MAP4K3: variants seen among roughly 807,000 people sequenced by gnomAD.
The protein encoded by MAP4K3 is mitogen-activated protein kinase kinase kinase kinase 3, also known as MAPK/ERK kinase kinase kinase 3.
In MAP4K3, 94 loss-of-function variants were observed where a neutral mutation model predicts 143.5. That is an observed-to-expected ratio of 0.65 (90% CI 0.55 to 0.78). The LOEUF (loss-of-function observed/expected upper bound fraction) is 0.78, where lower values mean the gene tolerates loss of function less well. Ranked by LOEUF, MAP4K3 falls within the 30% of genes least tolerant of loss-of-function variation. MAP4K3 has a pLI of 0.00. For synonymous variants in MAP4K3, 416 were observed against 347.2 expected, an observed-to-expected ratio of 1.20 and a Z score of -2.20; for missense variants, 1,077 against 1,068.1, an observed-to-expected ratio of 1.01 and a Z score of -0.12.
chr2:39,356,855 A>G (rs73923853), intron 2 of MAP4K3, among the ~76,000 whole-genome samples: 3,159 of 152,300 alleles, frequency 0.021, 107 homozygotes, highest in African/African-American at 0.072. Flanking sequence ...TCCAAGTAAC[A>G]TTTAATATAA....
intron 24 of MAP4K3, among the ~76,000 whole-genome samples, chr2:39,274,421 C>T (rs978871858): frequency 1.3e-5 from 2 of 151,924 alleles, no homozygotes; most frequent in Non-Finnish European, 2.9e-5. Context: ...GGGGTTTCAC[C>T]GTGTTAGCCA....
chr2:39,267,301 A>G, intron 26 of MAP4K3, 54 bp from the exon 27 acceptor site: 1 of 1,340,446 alleles, frequency 7.5e-7, no homozygotes, highest in Non-Finnish European at 1.1e-6. Context: ...TTAGTATATG[A>G]AAAAGCTACT....
chr2:39,258,317 T>C, intron 31 of MAP4K3, 31 bp downstream of exon 31: 1 of 1,352,950 alleles, frequency 7.4e-7, no homozygotes, highest in Non-Finnish European at 1.0e-6. Flanking sequence ...AAGGAGTTCA[T>C]AATGCAAAGA....
intron 3 of MAP4K3, among the ~76,000 whole-genome samples, chr2:39,352,190 C>G (rs1014937328): frequency 6.6e-6 from 1 of 152,060 alleles, no homozygotes; most frequent in South Asian, 2.1e-4. Context: ...ACTCGGGAGG[C>G]TGAGACAGAA....
At chr2:39,407,542 GTTTGT>G (rs1667130050) in intron 1 of MAP4K3, among the ~76,000 whole-genome samples, 1 of 152,000 alleles carries the variant, frequency 6.6e-6, no homozygotes, top group Admixed American at 6.6e-5. Context: ...GCCTAAACAG[GTTTGT>G]TTGTTTGTTT....
chr2:39,366,688 A>T (rs535885898), intron 2 of MAP4K3, among the ~76,000 whole-genome samples: 107 of 152,348 alleles, frequency 7.0e-4, no homozygotes, highest in African/African-American at 1.4e-3. Context: ...TGGTTTACAC[A>T]GTAATCTATG....
chr2:39,290,188 T>C, intron 19 of MAP4K3, 104 bp downstream of exon 19: 1 of 779,406 alleles, frequency 1.3e-6, no homozygotes, highest in East Asian at 3.0e-5. Flanking sequence ...TTCATGATTT[T>C]TCTTTGTGGA....
At chr2:39,258,958 T>C (rs191843231) in intron 29 of MAP4K3, among the ~76,000 whole-genome samples, 12 of 152,296 alleles carry the variant, frequency 7.9e-5, no homozygotes, top group Admixed American at 5.9e-4. Context: ...CAAACTATGG[T>C]TGCTGTATCA....
At chr2:39,286,437 G>A (rs1355143232) in intron 21 of MAP4K3, among the ~76,000 whole-genome samples, 1 of 152,100 alleles carries the variant, frequency 6.6e-6, no homozygotes, top group Non-Finnish European at 1.5e-5. Flanking sequence ...TTTGTCCTGG[G>A]GTAGAAGCTA....
chr2:39,299,633 A>T (rs552502382), intron 16 of MAP4K3, 110 bp downstream of exon 16: 108 of 500,218 alleles, frequency 2.2e-4, no homozygotes, highest in African/African-American at 1.9e-3. Flanking sequence ...ATATTGTAAA[A>T]TATATCTACC....
chr2:39,431,159 C>G (rs982281166), intron 1 of MAP4K3, among the ~76,000 whole-genome samples: 4 of 152,138 alleles, frequency 2.6e-5, no homozygotes, highest in Admixed American at 1.3e-4. Flanking sequence ...AGTAAAGAGT[C>G]CAACTGAATT....
intron 1 of MAP4K3, among the ~76,000 whole-genome samples, chr2:39,431,967 G>A (rs575953773): frequency 6.6e-6 from 1 of 152,028 alleles, no homozygotes; most frequent in South Asian, 2.1e-4. Context: ...GTGCAATTAT[G>A]GAGTATCTAG....
chr2:39,325,715 G>A lies in MAP4K3; in HGVS notation c.807+15C>T, dbSNP rs754361355. ...TTTTGAAATATATATATATATTTCA[G>A]GGCAAAAATAATACCTGTAATAATT... On this transcript the variant is annotated intron_variant, in intron 11 of 33. Coordinates refer to ENST00000263881, the MANE Select transcript of MAP4K3 (RefSeq NM_003618.4). The A allele has an allele frequency of 5.7e-6, 9 of 1,586,432 alleles. No individual in the cohort carries two copies. In the Admixed American group the frequency reaches 1.5e-4, roughly 27 times the overall value.
chr2:39,387,918 T>C (rs1477593570), intron 1 of MAP4K3, among the ~76,000 whole-genome samples: 1 of 152,224 alleles, frequency 6.6e-6, no homozygotes, highest in Non-Finnish European at 1.5e-5. Context: ...ATTGAGGCTA[T>C]CATTAACTTT....
At position 39,264,887 on chromosome 2, in the gene MAP4K3, G is replaced by A. The variant is rs78363035; in HGVS notation, c.2136+316C>T. Among the ~76,000 whole-genome samples the A allele has an allele frequency of 1.7e-3, 264 of 152,286 alleles. 6 individuals are homozygous for A. In the East Asian group the frequency reaches 0.024, roughly 14 times the overall value. On this transcript the variant is annotated intron_variant, in intron 28 of 33. Transcript: ENST00000263881. ...CTGTATGTTGTTTTCAGCTGTGATG[G>A]AGGTCAACCAGAGAGTGTATTCAAA...
At chr2:39,297,561 G>C (rs1040075247) in intron 16 of MAP4K3, among the ~76,000 whole-genome samples, 17 of 152,150 alleles carry the variant, frequency 1.1e-4, no homozygotes, top group African/African-American at 4.1e-4. Flanking sequence ...AAAAAGAAAA[G>C]ACCTATGTTA....
In MAP4K3 at chr2:39,365,313, G is replaced by T. The variant is rs537302284; in HGVS notation, c.155-8974C>A. ...AGGATGTCGGAGTCTCATTATGATG[G>T]TAACATCATGGCCTGAACTAGTTTT... On this transcript the variant is annotated intron_variant, in intron 2 of 33. Coordinates refer to ENST00000263881, the MANE Select transcript of MAP4K3 (RefSeq NM_003618.4). 2.0e-3 allele frequency among the ~76,000 whole-genome samples: 304 copies of T among 152,236 alleles called. 2 individuals are homozygous for T. Among genetic ancestry groups the T allele is most frequent in the Non-Finnish European group, 7.9e-4 (54 of 68,022 alleles).
At chr2:39,303,476 C>G (rs545381685) in intron 15 of MAP4K3, among the ~76,000 whole-genome samples, 2 of 152,178 alleles carry the variant, frequency 1.3e-5, no homozygotes, top group South Asian at 4.2e-4. Flanking sequence ...TATACTTCTT[C>G]AGAGCAATGA....
intron 15 of MAP4K3, among the ~76,000 whole-genome samples, chr2:39,301,224 T>C (rs925214022): frequency 6.6e-6 from 1 of 152,190 alleles, no homozygotes; most frequent in Non-Finnish European, 1.5e-5. Context: ...CCATGCATAA[T>C]AAAGTGTTCT....
Sources: allele counts gnomAD v4.1 joint callset (sites outside exome capture counted in the v4.1 genomes callset), GRCh38; gene constraint gnomAD v4.1.1; transcripts MANE v1.5; gene names NCBI Gene and HGNC (gene_info 2026-07-23, HGNC 2026-07-21).